The following PRKN variants were observed in gnomAD, a reference collection of about 807,000 sequenced individuals.
PRKN encodes the protein E3 ubiquitin-protein ligase parkin.
In PRKN, 56 loss-of-function variants were observed where a neutral mutation model predicts 59.5. The observed-to-expected ratio is 0.94, with a 90% CI of 0.76 to 1.18. The LOEUF (loss-of-function observed/expected upper bound fraction) is 1.18, where lower values mean the gene tolerates loss of function less well. Ranked by LOEUF, PRKN falls within the 50% of genes most tolerant of loss-of-function variation. The pLI is 0.00. For missense variants in PRKN, 657 were observed against 596.4 expected (o/e 1.10, Z -1.06); for synonymous variants, 250 against 222.1 (o/e 1.13, Z -1.12).
chr6:161,514,869 C>T (rs530636638), intron 9 of PRKN, among the ~76,000 whole-genome samples: 20 of 152,216 alleles, frequency 1.3e-4, no homozygotes, highest in Admixed American at 5.2e-4. Context: ...TTAGTGCTGC[C>T]GTCATGGTGC....
At position 161,357,413 on chromosome 6, in the gene PRKN, A is replaced by T. The variant is rs1331044245; in HGVS notation, c.1285+2675T>A. On this transcript the variant is annotated intron_variant, in intron 11 of 11. Transcript: ENST00000366898. The surrounding 1 kb of genome is among the most constrained non-coding windows in gnomAD (Gnocchi z 5.5). ...CAGAGTCTGGGCTACCGAGGAGGCC[A>T]CTAAGGCATGGACCCCAGACCTGCT... 1.3e-5 allele frequency among the ~76,000 whole-genome samples: 2 copies of T among 152,160 alleles called. No homozygotes were observed. Among genetic ancestry groups the T allele is most frequent in the East Asian group, 1.9e-4 (1 of 5,190 alleles).
At chr6:162,572,411 T>G (rs1780374167) in intron 1 of PRKN, among the ~76,000 whole-genome samples, 1 of 152,180 alleles carries the variant, frequency 6.6e-6, no homozygotes, top group African/African-American at 2.4e-5. Context: ...TGACATTAAT[T>G]GGCTTTGTAA....
At chr6:162,505,627 A>G (rs1411640291) in intron 1 of PRKN, among the ~76,000 whole-genome samples, 1 of 152,200 alleles carries the variant, frequency 6.6e-6, no homozygotes, top group African/African-American at 2.4e-5. Flanking sequence ...ACTATACAAT[A>G]CAATTAACAT....
intron 9 of PRKN, among the ~76,000 whole-genome samples, chr6:161,439,856 G>A (rs1789114219): frequency 6.6e-6 from 1 of 152,126 alleles, no homozygotes. Context: ...CAGGTACTAT[G>A]AGCTCAGATA....
chr6:162,246,146 A>C (rs1321700880), intron 3 of PRKN, among the ~76,000 whole-genome samples: 3 of 152,060 alleles, frequency 2.0e-5, no homozygotes, highest in African/African-American at 7.2e-5. Context: ...ATTACGTCAA[A>C]ATTCCTATGT....
intron 9 of PRKN, among the ~76,000 whole-genome samples, chr6:161,542,171 T>G (rs1779638144): frequency 6.6e-6 from 1 of 152,260 alleles, no homozygotes; most frequent in South Asian, 2.1e-4. Flanking sequence ...TTTTCTTTTC[T>G]CTAGCTTACT....
intron 4 of PRKN, among the ~76,000 whole-genome samples, chr6:162,073,777 G>T (rs1280672141): frequency 1.3e-5 from 2 of 152,104 alleles, no homozygotes; most frequent in African/African-American, 4.8e-5. Flanking sequence ...AACATAATTT[G>T]GCAGATAATT....
At chr6:161,505,368 GGTTGTT>G (rs1778123347) in intron 9 of PRKN, among the ~76,000 whole-genome samples, 1 of 43,510 alleles carries the variant, frequency 2.3e-5, no homozygotes, top group Non-Finnish European at 5.7e-5. Flanking sequence ...TCTTTGATGG[GGTTGTT>G]TGTTTTTTTC....
At chr6:162,427,485 G>A (rs554760281) in intron 2 of PRKN, among the ~76,000 whole-genome samples, 2 of 152,230 alleles carry the variant, frequency 1.3e-5, no homozygotes, top group South Asian at 4.1e-4. Flanking sequence ...GTGAACACAG[G>A]TGACCTACTG....
chr6:161,890,723 T>C (rs1795312231), intron 6 of PRKN, among the ~76,000 whole-genome samples: 1 of 152,212 alleles, frequency 6.6e-6, no homozygotes, highest in South Asian at 2.1e-4. Flanking sequence ...TTGATTCATT[T>C]GGGGAACAGA....
intron 3 of PRKN, among the ~76,000 whole-genome samples, chr6:162,230,839 C>T (rs1778391673): frequency 6.6e-6 from 1 of 152,208 alleles, no homozygotes; most frequent in Non-Finnish European, 1.5e-5. Flanking sequence ...TAAAGCAGTA[C>T]TTTATAAAAA....
chr6:161,758,349 A>G (rs758755885), intron 7 of PRKN, among the ~76,000 whole-genome samples: 7 of 152,232 alleles, frequency 4.6e-5, no homozygotes, highest in Non-Finnish European at 8.8e-5. Context: ...TGGAAAGGAT[A>G]AGCAAATTGT....
intron 7 of PRKN, among the ~76,000 whole-genome samples, chr6:161,760,351 T>G (rs1789142497): frequency 6.6e-6 from 1 of 150,676 alleles, no homozygotes; most frequent in Non-Finnish European, 1.5e-5. Flanking sequence ...CATTTTTATT[T>G]TAATGAAAAT....
intron 9 of PRKN, among the ~76,000 whole-genome samples, chr6:161,507,725 A>G (rs564077479): frequency 3.9e-5 from 6 of 152,188 alleles, no homozygotes; most frequent in South Asian, 2.1e-4. Context: ...TTTTCTGTCA[A>G]TTTAATCCCA....
chr6:161,761,319 G>GTGGA (rs1023216303), intron 7 of PRKN, among the ~76,000 whole-genome samples: 1 of 129,062 alleles, frequency 7.7e-6, no homozygotes, highest in African/African-American at 2.9e-5. Context: ...ACGGTGTGCA[G>GTGGA]TGGATGGATG....
chr6:162,661,376 T>A (rs905769364), intron 1 of PRKN, among the ~76,000 whole-genome samples: 8 of 152,188 alleles, frequency 5.3e-5, no homozygotes, highest in African/African-American at 1.9e-4. Flanking sequence ...AAAATTCTAA[T>A]GCCTAAAATG....
At chr6:161,689,832 G>A (rs944214405) in intron 7 of PRKN, among the ~76,000 whole-genome samples, 6 of 151,876 alleles carry the variant, frequency 4.0e-5, no homozygotes, top group Middle Eastern at 3.4e-3. Flanking sequence ...TACCTCAACT[G>A]CCCAAGTAGC....
At chr6:161,679,724 T>C (rs1279694877) in intron 7 of PRKN, among the ~76,000 whole-genome samples, 16 of 138,002 alleles carry the variant, frequency 1.2e-4, no homozygotes, top group African/African-American at 3.9e-4. Flanking sequence ...GAAAAAATGT[T>C]TTCAGTTCAG....
At chr6:161,840,254 T>A (rs1792928933) in intron 6 of PRKN, among the ~76,000 whole-genome samples, 1 of 152,222 alleles carries the variant, frequency 6.6e-6, no homozygotes, top group Admixed American at 6.5e-5. Flanking sequence ...GCAGATGGCA[T>A]CTGGGGCATC....
Sources: gnomAD v4.1 joint callset for allele counts (sites outside exome capture counted in the v4.1 genomes callset) on GRCh38, gnomAD v4.1.1 for gene constraint, Gnocchi (gnomAD v3.1) non-coding constraint, MANE v1.5 for transcripts, NCBI Gene and HGNC (gene_info 2026-07-23, HGNC 2026-07-21) for gene names.